The following PLCB4 variants were observed in gnomAD, a reference collection of about 807,000 sequenced individuals.
The protein encoded by PLCB4 is 1-phosphatidylinositol 4,5-bisphosphate phosphodiesterase beta-4.
In PLCB4, 77 loss-of-function variants were observed where a neutral mutation model predicts 178.8. The observed-to-expected ratio is 0.43, with a 90% CI of 0.36 to 0.52. The LOEUF (loss-of-function observed/expected upper bound fraction) is 0.52, where lower values mean the gene tolerates loss of function less well. PLCB4 is among the 20% of genes least tolerant of loss of function. The pLI, the probability that PLCB4 is intolerant of heterozygous loss-of-function variation, is 0.00. For missense variants in PLCB4, 1,024 were observed against 1,453.4 expected, an observed-to-expected ratio of 0.70 and a Z score of 4.80; for synonymous variants, 496 against 490.8, an observed-to-expected ratio of 1.01 and a Z score of -0.14.
Position 9,384,413 on chromosome 20 carries a change from T to C in PLCB4, c.1064+2T>C. On this transcript the variant is annotated splice_donor_variant, in intron 14 of 39. Transcript: ENST00000378473. LOFTEE classifies it high-confidence loss of function. ...ACAGGTTCTCCTGGCTGGTTGCAGG[T>C]GAGGAACTCAAGATGGCAATTTGTT... The C allele has an allele frequency of 6.2e-7, 1 of 1,610,698 alleles. No individual in the cohort carries two copies. Among genetic ancestry groups the C allele is most frequent in the Non-Finnish European group, 8.5e-7 (1 of 1,176,826 alleles).
intron 2 of PLCB4, among the ~76,000 whole-genome samples, chr20:9,114,153 G>A (rs558557628): frequency 1.3e-5 from 2 of 152,288 alleles, no homozygotes; most frequent in South Asian, 4.1e-4. Flanking sequence ...GGCAGAGGTT[G>A]TAGTGAGCTG....
chr20:9,236,442 G>A (rs1008218908), intron 3 of PLCB4, among the ~76,000 whole-genome samples: 6 of 152,232 alleles, frequency 3.9e-5, no homozygotes, highest in African/African-American at 1.4e-4. Flanking sequence ...TTTTGTGTGC[G>A]TGTGTTTTTT....
At chr20:9,271,882 G>A (rs1291544882) in intron 3 of PLCB4, among the ~76,000 whole-genome samples, 2 of 151,892 alleles carry the variant, frequency 1.3e-5, no homozygotes, top group Non-Finnish European at 2.9e-5. Context: ...CTTTGATTAA[G>A]AAGGCATCAT....
intron 36 of PLCB4, among the ~76,000 whole-genome samples, chr20:9,470,423 C>T (rs187806745): frequency 6.6e-6 from 1 of 152,120 alleles, no homozygotes; most frequent in African/African-American, 2.4e-5. Flanking sequence ...GGAAATGACA[C>T]CTTCTTCAGT....
chr20:9,156,417 G>C (rs934264338), intron 2 of PLCB4, among the ~76,000 whole-genome samples: 1 of 152,182 alleles, frequency 6.6e-6, no homozygotes, highest in Non-Finnish European at 1.5e-5. Context: ...TTGAGGCACA[G>C]AAAGGTTAAG....
intron 39 of PLCB4, among the ~76,000 whole-genome samples, 183 bp from the exon 40 acceptor site, chr20:9,478,738 T>C: frequency 6.6e-6 from 1 of 152,170 alleles, no homozygotes; most frequent in East Asian, 1.9e-4. Flanking sequence ...TGGGGTAGAC[T>C]CCAAGATTCT....
chr20:9,251,024 G>C (rs1296683882), intron 3 of PLCB4, among the ~76,000 whole-genome samples: 1 of 152,186 alleles, frequency 6.6e-6, no homozygotes, highest in Non-Finnish European at 1.5e-5. Flanking sequence ...CTTCCAAACT[G>C]ATATAGCCAC....
intron 22 of PLCB4, 103 bp downstream of exon 22, chr20:9,408,161 G>T (rs557197025): frequency 1.4e-5 from 13 of 959,578 alleles, no homozygotes; most frequent in Non-Finnish European, 2.0e-5. Flanking sequence ...TGTGGGCATG[G>T]GGGCTGTTCC....
intron 4 of PLCB4, among the ~76,000 whole-genome samples, chr20:9,316,484 T>G (rs1032256211): frequency 2.0e-5 from 3 of 152,224 alleles, no homozygotes; most frequent in African/African-American, 7.2e-5. Context: ...GCCAAAAGGT[T>G]GGAGAAGACC....
intron 7 of PLCB4, among the ~76,000 whole-genome samples, chr20:9,350,555 T>C (rs1055186790): frequency 6.6e-6 from 1 of 152,114 alleles, no homozygotes; most frequent in African/African-American, 2.4e-5. Flanking sequence ...GGCTTCTTTT[T>C]CTTTTTCTCT....
intron 3 of PLCB4, among the ~76,000 whole-genome samples, chr20:9,300,478 C>G (rs919641492): frequency 1.3e-5 from 2 of 152,020 alleles, no homozygotes; most frequent in Non-Finnish European, 2.9e-5. Flanking sequence ...CATTTTTTCA[C>G]AAATAGGAAT....
At chr20:9,220,723 A>T (rs923641036) in intron 3 of PLCB4, among the ~76,000 whole-genome samples, 3 of 152,076 alleles carry the variant, frequency 2.0e-5, no homozygotes, top group Non-Finnish European at 4.4e-5. Context: ...CTTTTCTTTC[A>T]TTTTGCCTCT....
chr20:9,202,949 G>A (rs6039413), intron 2 of PLCB4, among the ~76,000 whole-genome samples: 71,715 of 149,868 alleles, frequency 0.48, 17,813 homozygotes, highest in African/African-American at 0.63. Flanking sequence ...ACAAAAACCA[G>A]GTAACTGCTG....
intron 1 of PLCB4, among the ~76,000 whole-genome samples, chr20:9,075,223 C>A (rs2089793719): frequency 6.6e-6 from 1 of 152,106 alleles, no homozygotes; most frequent in Non-Finnish European, 1.5e-5. Flanking sequence ...CTTCTAACCA[C>A]CGTACTGTGT....
At chr20:9,377,928 A>C (rs1416628018) in intron 12 of PLCB4, among the ~76,000 whole-genome samples, 2 of 152,174 alleles carry the variant, frequency 1.3e-5, no homozygotes, top group African/African-American at 4.8e-5. Context: ...AGTCTTATGA[A>C]AAACACAGAT....
intron 2 of PLCB4, among the ~76,000 whole-genome samples, chr20:9,216,627 G>A (rs1288495062): frequency 6.6e-6 from 1 of 152,144 alleles, no homozygotes; most frequent in Non-Finnish European, 1.5e-5. Flanking sequence ...AGCCTCCTGA[G>A]TAGCTAGGAT....
At chr20:9,401,067 A>C (rs1247583326) in intron 19 of PLCB4, among the ~76,000 whole-genome samples, 7 of 152,182 alleles carry the variant, frequency 4.6e-5, no homozygotes. Flanking sequence ...AGTCTCTTTC[A>C]AAATTATCCG....
In PLCB4 at chr20:9,371,198, T is replaced by G; in HGVS notation, c.504-16T>G. 1 of 1,528,840 alleles carries G rather than the reference T, an allele frequency of 6.5e-7. No homozygotes were observed. The highest frequency in any genetic ancestry group is 9.1e-7 in the Non-Finnish European group (1 of 1,102,544). The allele number at this position is 1,528,840 out of a possible 1,614,324, so 94.7% of individuals were successfully genotyped here. On this transcript the variant is annotated splice_polypyrimidine_tract_variant and intron_variant, in intron 9 of 39. Transcript: ENST00000378473. ...AACAATAACTGGAATGTGTGTTTCT[T>G]TCTTTTCTGCCCTAGTATTACTAGA... is the stretch of plus-strand genomic sequence containing the variant.
chr20:9,159,138 G>T (rs1218964710), intron 2 of PLCB4, among the ~76,000 whole-genome samples: 1 of 152,132 alleles, frequency 6.6e-6, no homozygotes, highest in East Asian at 1.9e-4. Context: ...GGCCAGTTTA[G>T]GTTGCTTTGT....
Sources: gnomAD v4.1 joint callset for allele counts (sites outside exome capture counted in the v4.1 genomes callset) on GRCh38, gnomAD v4.1.1 for gene constraint, MANE v1.5 for transcripts, NCBI Gene and HGNC (gene_info 2026-07-23, HGNC 2026-07-21) for gene names.